The following CSMD1 variants were observed in gnomAD, a reference collection of about 807,000 sequenced individuals.
CSMD1 encodes the protein CUB and Sushi multiple domains 1.
In CSMD1, 213 loss-of-function variants were observed where a neutral mutation model predicts 417.5. The ratio of observed to expected loss-of-function variants is 0.51; its 90% CI spans 0.46 to 0.57. The LOEUF is 0.57. Ranked by LOEUF, CSMD1 falls within the 20% of genes least tolerant of loss-of-function variation. The pLI is 0.00. For missense variants in CSMD1, 6,923 were observed against 4,529.7 expected, an observed-to-expected ratio of 1.53 and a Z score of -15.17; for synonymous variants, 2,862 against 1,736.8, an observed-to-expected ratio of 1.65 and a Z score of -16.11.
chr8:4,738,084 C>T lies in CSMD1; in HGVS notation c.86-100526G>A, dbSNP rs116290216. On this transcript the variant is annotated intron_variant, in intron 1 of 69. Transcript: ENST00000635120. ...CAAAGATAAGATTACATGCCAACAC[C>T]AGGTGAATGGGACAACAGTAAAGAC... is the stretch of plus-strand genomic sequence containing the variant. Among the ~76,000 whole-genome samples, 657 of 152,216 alleles carry T rather than the reference C, an allele frequency of 4.3e-3. 2 individuals are homozygous for T. The highest frequency in any genetic ancestry group is 0.015 in the African/African-American group (621 of 41,540).
chr8:4,130,814 T>C (rs1585381667), intron 3 of CSMD1, among the ~76,000 whole-genome samples: 2 of 151,826 alleles, frequency 1.3e-5, no homozygotes, highest in Admixed American at 1.3e-4. Flanking sequence ...TATATTTGTA[T>C]ATATAATATT....
intron 1 of CSMD1, among the ~76,000 whole-genome samples, chr8:4,743,169 G>C (rs1398443498): frequency 6.6e-6 from 1 of 152,106 alleles, no homozygotes; most frequent in Non-Finnish European, 1.5e-5. Context: ...CATTCTTTTA[G>C]ACATAATCTA....
chr8:3,646,595 G>A (rs17066733), intron 7 of CSMD1, among the ~76,000 whole-genome samples: 14,811 of 152,212 alleles, frequency 0.097, 797 homozygotes, highest in Middle Eastern at 0.17. Context: ...ACCGCCCAAA[G>A]TAGCAGTCAG....
At chr8:3,570,469 C>T (rs188155544) in intron 10 of CSMD1, among the ~76,000 whole-genome samples, 74 of 152,306 alleles carry the variant, frequency 4.9e-4, no homozygotes, top group Non-Finnish European at 9.8e-4. Context: ...AAACATGCCT[C>T]ATTTCATTAA....
intron 11 of CSMD1, among the ~76,000 whole-genome samples, chr8:3,483,230 A>G (rs1403074204): frequency 6.6e-6 from 1 of 152,096 alleles, no homozygotes; most frequent in Non-Finnish European, 1.5e-5. Flanking sequence ...CACTTGCAGA[A>G]AGTCAGAAAA....
intron 5 of CSMD1, among the ~76,000 whole-genome samples, chr8:3,965,858 G>A (rs1364730304): frequency 1.3e-5 from 2 of 152,084 alleles, no homozygotes; most frequent in African/African-American, 4.8e-5. Context: ...ACCTCATACT[G>A]TGCCAGCCTT....
chr8:2,942,776 C>G (rs1026781662), intron 68 of CSMD1, among the ~76,000 whole-genome samples, 172 bp from the exon 69 acceptor site: 7 of 151,974 alleles, frequency 4.6e-5, no homozygotes, highest in African/African-American at 9.7e-5. Flanking sequence ...ACTTAATGAC[C>G]GGGACAAAAA....
At chr8:3,267,762 C>G (rs919758414) in intron 26 of CSMD1, among the ~76,000 whole-genome samples, 2 of 152,162 alleles carry the variant, frequency 1.3e-5, no homozygotes, top group Non-Finnish European at 2.9e-5. Flanking sequence ...CCTCCCACAG[C>G]AGCTGATGGG....
At chr8:4,379,145 T>G (rs568565573) in intron 3 of CSMD1, among the ~76,000 whole-genome samples, 6 of 152,318 alleles carry the variant, frequency 3.9e-5, no homozygotes, top group African/African-American at 1.4e-4. Flanking sequence ...TATCAGCCCC[T>G]GTAATTTGAG....
At chr8:4,656,688 G>A (rs913772509) in intron 1 of CSMD1, among the ~76,000 whole-genome samples, 1 of 152,092 alleles carries the variant, frequency 6.6e-6, no homozygotes. Flanking sequence ...CAACTGCCCA[G>A]TTACCTGCCA....
chr8:3,013,364 A>G (rs1040994711), intron 52 of CSMD1, among the ~76,000 whole-genome samples: 1 of 152,120 alleles, frequency 6.6e-6, no homozygotes, highest in African/African-American at 2.4e-5. Context: ...ACTTCCCACA[A>G]CTAGTTTCTT....
At chr8:4,434,845 C>T (rs192174677) in intron 2 of CSMD1, among the ~76,000 whole-genome samples, 1 of 152,312 alleles carries the variant, frequency 6.6e-6, no homozygotes, top group South Asian at 2.1e-4. Flanking sequence ...TAGCTGTCTC[C>T]TGGGCAACCG....
intron 5 of CSMD1, among the ~76,000 whole-genome samples, chr8:3,866,800 A>C (rs117347946): frequency 1.2e-4 from 19 of 152,288 alleles, no homozygotes; most frequent in African/African-American, 4.1e-4. Context: ...ACGGCTCACA[A>C]ATCCTTAATA....
At chr8:4,621,885 C>G (rs1195678166) in intron 2 of CSMD1, among the ~76,000 whole-genome samples, 2 of 151,910 alleles carry the variant, frequency 1.3e-5, no homozygotes, top group East Asian at 1.9e-4. Flanking sequence ...TTTCACAAAA[C>G]TAATTCAATG....
chr8:3,131,449 G>C (rs182016250), intron 41 of CSMD1, among the ~76,000 whole-genome samples: 2 of 150,852 alleles, frequency 1.3e-5, no homozygotes, highest in Admixed American at 1.3e-4. Flanking sequence ...TGGTGACAAA[G>C]TCACAGGTTA....
At chr8:2,963,478 A>G in intron 59 of CSMD1, 83 bp from the exon 60 acceptor site, 1 of 1,400,744 alleles carries the variant, frequency 7.1e-7, no homozygotes, top group Non-Finnish European at 9.9e-7. Context: ...TTTTAATTTT[A>G]CCTGAATTAC....
intron 3 of CSMD1, among the ~76,000 whole-genome samples, chr8:4,098,681 A>G (rs1801150101): frequency 1.3e-5 from 2 of 152,182 alleles, no homozygotes; most frequent in Admixed American, 6.5e-5. Context: ...TACGGCAAAT[A>G]AAGGTTCTCA....
At chr8:4,861,139 T>C (rs777586432) in intron 1 of CSMD1, among the ~76,000 whole-genome samples, 2 of 152,170 alleles carry the variant, frequency 1.3e-5, no homozygotes, top group African/African-American at 2.4e-5. Flanking sequence ...ATTTAGTGAA[T>C]GTTCGTTGAA....
Position 4,102,700 on chromosome 8 carries a change from C to T in CSMD1, c.416-70601G>A, listed in dbSNP as rs564114815. Among the ~76,000 whole-genome samples, 3 of 152,238 alleles carry T rather than the reference C, an allele frequency of 2.0e-5. No individual in the cohort carries two copies. In the East Asian group the frequency reaches 5.8e-4, roughly 29 times the overall value. On this transcript the variant is annotated intron_variant, in intron 3 of 69. Coordinates refer to ENST00000635120, the MANE Select transcript of CSMD1 (RefSeq NM_033225.6). ...TCAGGACATTTACTGATAATGTTCTCCTAAAATGTATCCAAAAGATTTTAG... is the reference window on the plus strand; with the variant it reads ...TCAGGACATTTACTGATAATGTTCTTCTAAAATGTATCCAAAAGATTTTAG...
Sources: gnomAD v4.1 joint callset for allele counts (sites outside exome capture counted in the v4.1 genomes callset) on GRCh38, gnomAD v4.1.1 for gene constraint, MANE v1.5 for transcripts, NCBI Gene and HGNC (gene_info 2026-07-23, HGNC 2026-07-21) for gene names.